CFAP61: variants seen among roughly 807,000 people sequenced by gnomAD.
The protein encoded by CFAP61 is cilia- and flagella-associated protein 61.
In CFAP61, 107 loss-of-function variants were observed where a neutral mutation model predicts 135.6. The ratio of observed to expected loss-of-function variants is 0.79; its 90% confidence interval spans 0.67 to 0.93. The LOEUF (loss-of-function observed/expected upper bound fraction) is 0.93, where lower values mean the gene tolerates loss of function less well. Among genes scored for constraint, CFAP61 ranks in the 40% least tolerant of loss-of-function variants. The probability of loss-of-function intolerance (pLI) is 0.00; values close to 1 mark genes in which losing one functional copy is unlikely to be tolerated. For missense variants in CFAP61, 1,507 were observed against 1,556.2 expected (o/e 0.97, Z 0.53); for synonymous variants, 575 against 578.5 (o/e 0.99, Z 0.09).
At chr20:20,321,630 T>G (rs1415921010) in intron 25 of CFAP61, among the ~76,000 whole-genome samples, 1 of 152,164 alleles carries the variant, frequency 6.6e-6, no homozygotes. Context: ...TTCTTTCTCT[T>G]GCAGACTGGC....
chr20:20,090,831 T>C lies in CFAP61; in HGVS notation c.567-13T>C, dbSNP rs752984088. On this transcript the variant is annotated splice_polypyrimidine_tract_variant and intron_variant, in intron 6 of 26. Transcript: ENST00000245957. Reference sequence around the variant, plus strand: ...GTGAACGAACACTGAACTTCAGCCTTTCTATTAAACAGGGTGGAAGACCAT... The same window carrying C: ...GTGAACGAACACTGAACTTCAGCCTCTCTATTAAACAGGGTGGAAGACCAT... 1.9e-6 allele frequency: 3 copies of C among 1,613,672 alleles called. No homozygotes were observed. The highest frequency in any genetic ancestry group is 3.3e-5 in the Admixed American group (2 of 59,994).
intron 8 of CFAP61, among the ~76,000 whole-genome samples, chr20:20,127,099 C>A (rs920853068): frequency 2.6e-5 from 4 of 151,406 alleles, no homozygotes; most frequent in African/African-American, 9.8e-5. Flanking sequence ...TATCTATTTC[C>A]TTGAATATTT....
At chr20:20,138,792 C>T (rs184167784) in intron 8 of CFAP61, among the ~76,000 whole-genome samples, 68 of 152,310 alleles carry the variant, frequency 4.5e-4, no homozygotes, top group African/African-American at 1.6e-3. Flanking sequence ...GCTTCACTTC[C>T]TCTAGCACTA....
chr20:20,345,961 G>A (rs1442321203), intron 26 of CFAP61, among the ~76,000 whole-genome samples: 1 of 132,154 alleles, frequency 7.6e-6, no homozygotes, highest in Non-Finnish European at 1.6e-5. Flanking sequence ...GACTGCAGTG[G>A]CGCAATCTCG....
chr20:20,152,887 G>C (rs1312850354), intron 9 of CFAP61, among the ~76,000 whole-genome samples: 1 of 152,060 alleles, frequency 6.6e-6, no homozygotes, highest in African/African-American at 2.4e-5. Flanking sequence ...GATATTTATA[G>C]AACATTCAAT....
At chr20:20,106,046 AT>A (rs2048385095) in intron 8 of CFAP61, among the ~76,000 whole-genome samples, 4 of 96,942 alleles carry the variant, frequency 4.1e-5, no homozygotes, top group Admixed American at 1.0e-4. Context: ...ATATATATAT[AT>A]ATAAAATTTG....
rs2053395224 is a variant in CFAP61, at chr20:20,161,405, C to T, written c.1026+1961C>T. Reference sequence around the variant, plus strand: ...AATGACAGTAAAGGGATAAAAAGGGCACAAATCCACAAAGGTGAGATGGAG... The same window carrying T: ...AATGACAGTAAAGGGATAAAAAGGGTACAAATCCACAAAGGTGAGATGGAG... On this transcript the variant is annotated intron_variant, in intron 10 of 26. Coordinates refer to ENST00000245957, the MANE Select transcript of CFAP61 (RefSeq NM_015585.4). 1.3e-5 allele frequency among the ~76,000 whole-genome samples: 2 copies of T among 152,124 alleles called. 1 individual carries two copies. Among genetic ancestry groups the T allele is most frequent in the South Asian group, 4.1e-4 (2 of 4,834 alleles).
chr20:20,276,426 C>T (rs2053771666), intron 21 of CFAP61, among the ~76,000 whole-genome samples: 2 of 152,098 alleles, frequency 1.3e-5, no homozygotes, highest in Non-Finnish European at 2.9e-5. Flanking sequence ...GTGTCATTGA[C>T]CTTAAAACTG....
chr20:20,124,273 A>G (rs774022964), intron 8 of CFAP61, among the ~76,000 whole-genome samples: 1 of 151,686 alleles, frequency 6.6e-6, no homozygotes, highest in Non-Finnish European at 1.5e-5. Context: ...TTCCAGTGCT[A>G]TGTTGAAGAG....
chr20:20,078,711 A>G (rs879455107), intron 6 of CFAP61, among the ~76,000 whole-genome samples: 3 of 152,192 alleles, frequency 2.0e-5, no homozygotes, highest in Non-Finnish European at 4.4e-5. Context: ...GAAAACTAGA[A>G]GAGAGGGAGA....
At chr20:20,230,152 A>G (rs1325085349) in intron 18 of CFAP61, among the ~76,000 whole-genome samples, 1 of 152,230 alleles carries the variant, frequency 6.6e-6, no homozygotes. Flanking sequence ...TAGATCTAAT[A>G]AAGACAAGTA....
At position 20,159,595 on chromosome 20, in the gene CFAP61, A is replaced by G. The variant is rs1367828266; in HGVS notation, c.1026+151A>G. 3 of 641,442 alleles carry G rather than the reference A, an allele frequency of 4.7e-6. No individual in the cohort carries two copies. The African/African-American group carries it at 5.5e-5, about 12-fold the overall frequency. The allele number at this position is 641,442 out of a possible 1,614,324, so 39.7% of individuals were successfully genotyped here. On this transcript the variant is annotated intron_variant, in intron 10 of 26. Coordinates refer to ENST00000245957, the MANE Select transcript of CFAP61 (RefSeq NM_015585.4). ...TACCACCTCCTTTAGGACTTGCTGC[A>G]CCAAGCCTCACCTCCTTACCTCTTC...
At chr20:20,053,494 G>A (rs1054261177) in intron 1 of CFAP61, among the ~76,000 whole-genome samples, 2 of 152,164 alleles carry the variant, frequency 1.3e-5, no homozygotes, top group Non-Finnish European at 2.9e-5. Flanking sequence ...TATGAGGTTG[G>A]ACAAATGTAT....
In CFAP61 at chr20:20,262,673, C is replaced by G. The variant is rs2052341894; in HGVS notation, c.2329-283C>G. Among the ~76,000 whole-genome samples, 3 of 152,168 alleles carry G rather than the reference C, an allele frequency of 2.0e-5. No homozygotes were observed. In the South Asian group the frequency reaches 6.2e-4, roughly 32 times the overall value. On this transcript the variant is annotated intron_variant, in intron 20 of 26. Coordinates refer to ENST00000245957, the MANE Select transcript of CFAP61 (RefSeq NM_015585.4). ...CACCTTGCCCTGTCTGAATTACTGT[C>G]CTGCATAAGCTGGGAGCCTAATGGT... is the stretch of plus-strand genomic sequence containing the variant.
At chr20:20,127,517 AC>A (rs2050156912) in intron 8 of CFAP61, among the ~76,000 whole-genome samples, 1 of 150,946 alleles carries the variant, frequency 6.6e-6, no homozygotes, top group Admixed American at 6.6e-5. Flanking sequence ...CAGCAAGTCT[AC>A]CCAGCTCTGG....
At chr20:20,202,749 T>G (rs893883128) in intron 17 of CFAP61, among the ~76,000 whole-genome samples, 5 of 151,462 alleles carry the variant, frequency 3.3e-5, no homozygotes, top group South Asian at 4.2e-4. Context: ...GTTTCACATC[T>G]CCCACCGCCC....
chr20:20,257,105 A>C (rs2051674834), intron 20 of CFAP61, among the ~76,000 whole-genome samples: 1 of 152,252 alleles, frequency 6.6e-6, no homozygotes. Context: ...AACAGATATC[A>C]AAATTTTTAT....
intron 17 of CFAP61, among the ~76,000 whole-genome samples, chr20:20,212,936 G>C (rs2047759600): frequency 6.6e-6 from 1 of 152,118 alleles, no homozygotes. Flanking sequence ...GCAGCAGACA[G>C]TACACAAACA....
In CFAP61 at chr20:20,136,163, C is replaced by T. The variant is rs186976535; in HGVS notation, c.860-6694C>T. On this transcript the variant is annotated intron_variant, in intron 8 of 26. Coordinates refer to ENST00000245957, the MANE Select transcript of CFAP61 (RefSeq NM_015585.4). ...TTTTCTCTTGCTGCTTTTAGGGTCC[C>T]TTTTTTTACCCTTGACCTTTGGGAG... Among the ~76,000 whole-genome samples, 25 of 152,032 alleles carry T rather than the reference C, an allele frequency of 1.6e-4. No homozygotes were observed. In the East Asian group the frequency reaches 4.1e-3, roughly 25 times the overall value.
Sources: allele counts gnomAD v4.1 joint callset (sites outside exome capture counted in the v4.1 genomes callset), GRCh38; gene constraint gnomAD v4.1.1; transcripts MANE v1.5; gene names NCBI Gene and HGNC (gene_info 2026-07-23, HGNC 2026-07-21).